Variants in PRKN observed in about 807,000 individuals in gnomAD.
PRKN encodes E3 ubiquitin-protein ligase parkin.
A neutral mutation model predicts 59.5 loss-of-function variants in PRKN; 56 were observed. That is an observed-to-expected ratio of 0.94 (90% CI 0.76 to 1.18). PRKN has a LOEUF of 1.18. Ranked by LOEUF, PRKN falls within the 50% of genes most tolerant of loss-of-function variation. The pLI, the probability that PRKN is intolerant of heterozygous loss-of-function variation, is 0.00. For missense variants in PRKN, 657 were observed against 596.4 expected (o/e 1.10, Z -1.06); for synonymous variants, 250 against 222.1 (o/e 1.13, Z -1.12).
intron 5 of PRKN, among the ~76,000 whole-genome samples, chr6:161,998,861 C>A (rs555842789): frequency 4.4e-4 from 67 of 152,078 alleles, no homozygotes; most frequent in Non-Finnish European, 9.1e-4. Context: ...GGAAATCATA[C>A]TGTGGAAATA....
chr6:161,644,803 T>G (rs917253636), intron 7 of PRKN, among the ~76,000 whole-genome samples: 9 of 152,232 alleles, frequency 5.9e-5, no homozygotes, highest in Non-Finnish European at 1.3e-4. Flanking sequence ...TTTGAGGACA[T>G]GCACCCAGGC....
intron 4 of PRKN, among the ~76,000 whole-genome samples, chr6:162,087,663 G>A (rs1338521872): frequency 8.0e-5 from 11 of 137,776 alleles, no homozygotes; most frequent in Non-Finnish European, 1.4e-4. Flanking sequence ...GCGCGATCTC[G>A]GCTCACTGCA....
chr6:161,666,459 T>G (rs1483052593), intron 7 of PRKN, among the ~76,000 whole-genome samples: 1 of 152,152 alleles, frequency 6.6e-6, no homozygotes, highest in Non-Finnish European at 1.5e-5. Context: ...TGGAAAAATT[T>G]TCTTCCACGG....
intron 4 of PRKN, among the ~76,000 whole-genome samples, chr6:162,087,886 C>A (rs1779318914): frequency 6.6e-6 from 1 of 152,156 alleles, no homozygotes; most frequent in Non-Finnish European, 1.5e-5. Flanking sequence ...GTCACTGCGC[C>A]CGGCCAATAA....
chr6:162,473,424 T>G (rs1172580319), intron 1 of PRKN, among the ~76,000 whole-genome samples: 1 of 152,204 alleles, frequency 6.6e-6, no homozygotes, highest in African/African-American at 2.4e-5. Flanking sequence ...TGCATTTCCC[T>G]ATGTTTGCCA....
At chr6:161,835,088 C>T (rs959208508) in intron 6 of PRKN, among the ~76,000 whole-genome samples, 2 of 152,182 alleles carry the variant, frequency 1.3e-5, no homozygotes, top group Non-Finnish European at 2.9e-5. Flanking sequence ...ATTCTTTCTC[C>T]CCTCTGGAGT....
rs991400921 is a variant in PRKN at position 161,451,034 on chromosome 6, T to A, written c.1084-64157A>T. Among the ~76,000 whole-genome samples, 6 of 152,148 alleles carry A rather than the reference T, an allele frequency of 3.9e-5. No homozygotes were observed. The highest frequency in any genetic ancestry group is 1.4e-4 in the African/African-American group (6 of 41,428). The stretch of plus-strand genomic sequence containing the variant: ...AAGAGCCCAGGGCCTGCATTCTTGT[T>A]TTTAAAGAGGCAGGTAAGCAGGTAA... On this transcript the variant is annotated intron_variant, in intron 9 of 11. Transcript: ENST00000366898. This position sits in a 1 kb window ranked among gnomAD's most constrained non-coding sequence, Gnocchi z 5.9.
At chr6:162,324,297 G>T (rs943008242) in intron 2 of PRKN, among the ~76,000 whole-genome samples, 6 of 151,950 alleles carry the variant, frequency 3.9e-5, no homozygotes, top group African/African-American at 1.5e-4. Flanking sequence ...TGGGGAAGGT[G>T]CCGCAAAGCA....
rs982034495 is a variant in PRKN, at chr6:161,770,626, C to A, written c.871+15146G>T. On this transcript the variant is annotated intron_variant, in intron 7 of 11. Coordinates refer to ENST00000366898, the MANE Select transcript of PRKN (RefSeq NM_004562.3). ...GGGATTACAGGCGTGCACCACCACG[C>A]CCAACTAATTTTTGTATTTTTAGTA... Among the ~76,000 whole-genome samples, 10 of 152,134 alleles carry A rather than the reference C, an allele frequency of 6.6e-5. 1 individual carries two copies. The South Asian group carries it at 1.9e-3, about 28-fold the overall frequency.
At chr6:162,142,781 T>C (rs1426415892) in intron 4 of PRKN, among the ~76,000 whole-genome samples, 4 of 152,240 alleles carry the variant, frequency 2.6e-5, no homozygotes, top group African/African-American at 9.6e-5. Flanking sequence ...TAATTCATTT[T>C]ATCCGCTAAC....
intron 3 of PRKN, among the ~76,000 whole-genome samples, chr6:162,237,963 C>G (rs1778812030): frequency 6.6e-6 from 1 of 152,062 alleles, no homozygotes; most frequent in Non-Finnish European, 1.5e-5. Flanking sequence ...GTAGAGAGCA[C>G]GTGGTAGGTT....
At chr6:161,957,957 T>C (rs922761723) in intron 6 of PRKN, among the ~76,000 whole-genome samples, 2 of 152,210 alleles carry the variant, frequency 1.3e-5, no homozygotes, top group Non-Finnish European at 2.9e-5. Flanking sequence ...CAATGAGTGC[T>C]AATCACAGAA....
chr6:161,747,779 G>A (rs905059127), intron 7 of PRKN, among the ~76,000 whole-genome samples: 22 of 152,270 alleles, frequency 1.4e-4, no homozygotes, highest in Admixed American at 6.5e-4. Flanking sequence ...TGGTGTTTTC[G>A]TGGCTATTTA....
chr6:161,729,473 A>C (rs1583064657), intron 7 of PRKN, among the ~76,000 whole-genome samples: 1 of 152,196 alleles, frequency 6.6e-6, no homozygotes, highest in Non-Finnish European at 1.5e-5. Context: ...GGTTGGAAAA[A>C]TGTCTTCAGG....
rs1240157785 is a variant in PRKN, at chr6:161,943,500, ATTTTCACAAATGAT to A, written c.734+29788_734+29801del. 2.6e-5 allele frequency among the ~76,000 whole-genome samples: 4 copies of A among 152,374 alleles called. No homozygotes were observed. The South Asian group carries it at 8.3e-4, about 32-fold the overall frequency. ...TGAAGGAATATAACAGTTTAATGCT[ATTTTCACAAATGAT>A]TATTTTATGCTTTAAAGAAGTTTTT... is the stretch of plus-strand genomic sequence containing the variant. On this transcript the variant is annotated intron_variant, in intron 6 of 11. Coordinates refer to ENST00000366898, the MANE Select transcript of PRKN (RefSeq NM_004562.3).
intron 9 of PRKN, among the ~76,000 whole-genome samples, chr6:161,387,449 A>G (rs1389798584): frequency 3.3e-5 from 5 of 152,190 alleles, no homozygotes; most frequent in Non-Finnish European, 7.3e-5. Flanking sequence ...CACAAATGTG[A>G]ATCAATTGAA....
At chr6:161,908,092 GACA>G (rs71799804) in intron 6 of PRKN, among the ~76,000 whole-genome samples, 21,112 of 151,558 alleles carry the variant, frequency 0.14, 1,842 homozygotes, top group East Asian at 0.42. Flanking sequence ...TAACAACAAC[GACA>G]ACAACAACAA....
intron 1 of PRKN, among the ~76,000 whole-genome samples, chr6:162,477,496 C>T (rs1481471623): frequency 6.6e-6 from 1 of 152,158 alleles, no homozygotes; most frequent in Admixed American, 6.5e-5. Flanking sequence ...TTATAAGAGT[C>T]GAGTTATGCA....
chr6:162,616,218 T>C (rs1782406092), intron 1 of PRKN, among the ~76,000 whole-genome samples: 1 of 152,172 alleles, frequency 6.6e-6, no homozygotes, highest in East Asian at 1.9e-4. Flanking sequence ...CTGAAGACTT[T>C]GTGCATTATC....
Sources: gnomAD v4.1 joint callset for allele counts (sites outside exome capture counted in the v4.1 genomes callset) on GRCh38, gnomAD v4.1.1 for gene constraint, Gnocchi (gnomAD v3.1) non-coding constraint, MANE v1.5 for transcripts, NCBI Gene and HGNC (gene_info 2026-07-23, HGNC 2026-07-21) for gene names.